The following VTA1 variants were observed in gnomAD, a reference collection of about 807,000 sequenced individuals.
VTA1 encodes vesicle trafficking 1, also known as vacuolar protein sorting-associated protein VTA1 homolog.
A neutral mutation model predicts 36.9 loss-of-function variants in VTA1; 24 were observed. The ratio of observed to expected loss-of-function variants is 0.65; its 90% CI spans 0.47 to 0.91. The LOEUF is 0.91. VTA1 is among the 40% of genes least tolerant of loss of function. The pLI, the probability that VTA1 is intolerant of heterozygous loss-of-function variation, is 0.00. For missense variants in VTA1, 393 were observed against 377.2 expected (o/e 1.04, Z -0.35); for synonymous variants, 142 against 130.2 (o/e 1.09, Z -0.62).
At chr6:142,167,887 A>C (rs570757405) in intron 2 of VTA1, among the ~76,000 whole-genome samples, 1 of 152,168 alleles carries the variant, frequency 6.6e-6, no homozygotes, top group African/African-American at 2.4e-5. Flanking sequence ...GTAAAATCCA[A>C]CTCTAGCATT....
chr6:142,156,396 A>G (rs1421729342), intron 1 of VTA1, among the ~76,000 whole-genome samples: 1 of 152,220 alleles, frequency 6.6e-6, no homozygotes, highest in Admixed American at 6.5e-5. Context: ...TGGAGAGTGG[A>G]AAATGAAGGA....
At chr6:142,154,357 A>C (rs2114629613) in intron 1 of VTA1, among the ~76,000 whole-genome samples, 1 of 152,250 alleles carries the variant, frequency 6.6e-6, no homozygotes, top group Middle Eastern at 3.4e-3. Flanking sequence ...TGTGTATACT[A>C]CAGTGTAACA....
chr6:142,185,228 A>G (rs1364539961), intron 4 of VTA1, among the ~76,000 whole-genome samples: 1 of 152,104 alleles, frequency 6.6e-6, no homozygotes, highest in Admixed American at 6.5e-5. Flanking sequence ...TTATAGTAAC[A>G]GTTCTTTGTA....
intron 1 of VTA1, among the ~76,000 whole-genome samples, chr6:142,150,998 G>A (rs1778558054): frequency 6.6e-6 from 1 of 152,038 alleles, no homozygotes; most frequent in South Asian, 2.1e-4. Flanking sequence ...GTATAAGGGG[G>A]ATGCAGGGAG....
intron 7 of VTA1, among the ~76,000 whole-genome samples, chr6:142,216,398 T>A (rs770216486): frequency 9.2e-5 from 14 of 152,178 alleles, no homozygotes; most frequent in Non-Finnish European, 1.8e-4. Context: ...GGAGAGCCTA[T>A]GTGTTACAAA....
At position 142,218,658 on chromosome 6, in the gene VTA1, A is replaced by T. The variant is rs1237002443; in HGVS notation, c.*15A>T. The T allele has an allele frequency of 6.3e-7, 1 of 1,594,034 alleles. No homozygotes were observed. The highest frequency in any genetic ancestry group is 8.5e-7 in the Non-Finnish European group (1 of 1,173,298). ...GCAGAGAATGAAGCCTTTGTATGAC[A>T]GACCCATGTATTTTTGGCATGAGGA... is the stretch of plus-strand genomic sequence containing the variant. On this transcript the variant is annotated 3_prime_UTR_variant, in exon 8 of 8. Transcript: ENST00000367630.
At chr6:142,207,221 C>T (rs75167761) in intron 7 of VTA1, among the ~76,000 whole-genome samples, 2,154 of 152,214 alleles carry the variant, frequency 0.014, 58 homozygotes, top group African/African-American at 0.049. Context: ...AAATCTCCCC[C>T]ACCTCATAAT....
At chr6:142,212,279 C>G (rs768129063) in intron 7 of VTA1, among the ~76,000 whole-genome samples, 1 of 151,968 alleles carries the variant, frequency 6.6e-6, no homozygotes, top group Non-Finnish European at 1.5e-5. Flanking sequence ...ATCTTGCTGT[C>G]GGTGAATGGA....
In VTA1 at chr6:142,224,376, T is replaced by C. The variant is rs1225050119; in HGVS notation, c.*5733T>C. ...GGGACAAGGACACTGGACGGTCTAT[T>C]GTGCCATGCTTATATATTTTCTGTA... On this transcript the variant is annotated 3_prime_UTR_variant, in exon 8 of 8. Coordinates refer to ENST00000367630, the MANE Select transcript of VTA1 (RefSeq NM_016485.5). 4 of 152,238 alleles carry C rather than the reference T, an allele frequency of 2.6e-5. No homozygotes were observed. The South Asian group carries it at 8.3e-4, about 32-fold the overall frequency. 9.4% of individuals were successfully genotyped at this position (152,238 alleles called of 1,614,324 possible). A position where few individuals can be genotyped will look rare whatever the true frequency, so the allele number is the denominator to read the frequency against.
chr6:142,198,416 A>C, intron 5 of VTA1, 23 bp from the exon 6 acceptor site: 2 of 1,602,448 alleles, frequency 1.2e-6, no homozygotes, highest in Non-Finnish European at 1.7e-6. Flanking sequence ...CTACTGTAAC[A>C]TTGTGTATAT....
At chr6:142,147,463 C>T in intron 1 of VTA1, 64 bp downstream of exon 1, 3 of 1,492,628 alleles carry the variant, frequency 2.0e-6, no homozygotes, top group Non-Finnish European at 2.8e-6. Flanking sequence ...CACACACCTC[C>T]CTGAGGTTCT....
At chr6:142,166,917 T>C (rs1364192129) in intron 2 of VTA1, among the ~76,000 whole-genome samples, 1 of 152,160 alleles carries the variant, frequency 6.6e-6, no homozygotes, top group East Asian at 1.9e-4. Flanking sequence ...TGAGCCACCA[T>C]GCCCAGCCGT....
chr6:142,179,971 T>C (rs1775196340), intron 4 of VTA1, among the ~76,000 whole-genome samples: 1 of 152,170 alleles, frequency 6.6e-6, no homozygotes, highest in Non-Finnish European at 1.5e-5. Context: ...TGTTGTGCTG[T>C]TAGGTTGGAA....
intron 1 of VTA1, among the ~76,000 whole-genome samples, chr6:142,161,492 A>G (rs1258088407): frequency 1.3e-5 from 2 of 152,156 alleles, no homozygotes; most frequent in Non-Finnish European, 2.9e-5. Flanking sequence ...CAGAATTAGT[A>G]AATGTTTGTT....
At chr6:142,207,297 C>T (rs1374273422) in intron 7 of VTA1, among the ~76,000 whole-genome samples, 1 of 152,152 alleles carries the variant, frequency 6.6e-6, no homozygotes, top group Non-Finnish European at 1.5e-5. Flanking sequence ...GGTTCCCTGG[C>T]AGGAGATCTG....
At chr6:142,192,992 C>T (rs540045342) in intron 5 of VTA1, among the ~76,000 whole-genome samples, 13 of 152,188 alleles carry the variant, frequency 8.5e-5, no homozygotes, top group African/African-American at 2.6e-4. Flanking sequence ...TGATTTCCAT[C>T]TGTATTCAGA....
intron 4 of VTA1, among the ~76,000 whole-genome samples, chr6:142,186,685 T>G (rs1175575343): frequency 2.0e-5 from 3 of 152,130 alleles, no homozygotes; most frequent in Non-Finnish European, 4.4e-5. Context: ...AGTTTTAATT[T>G]TAATTGTATG....
chr6:142,204,216 G>A (rs1775742725), intron 7 of VTA1, 151 bp downstream of exon 7: 1 of 678,746 alleles, frequency 1.5e-6, no homozygotes, highest in African/African-American at 1.8e-5. Flanking sequence ...GAATGCTTAT[G>A]TTCACTAGAT....
chr6:142,166,550 A>G (rs1222701515), intron 2 of VTA1, among the ~76,000 whole-genome samples: 1 of 151,916 alleles, frequency 6.6e-6, no homozygotes, highest in Non-Finnish European at 1.5e-5. Flanking sequence ...ATATGCCATC[A>G]TATCTTGTTC....
Sources: allele counts gnomAD v4.1 joint callset (sites outside exome capture counted in the v4.1 genomes callset), GRCh38; gene constraint gnomAD v4.1.1; transcripts MANE v1.5; gene names NCBI Gene and HGNC (gene_info 2026-07-23, HGNC 2026-07-21).